The following IRX5 variants were observed in gnomAD, a reference collection of about 807,000 sequenced individuals.
The protein encoded by IRX5 is iroquois-class homeodomain protein IRX-5.
Under a neutral mutation model 37.6 loss-of-function variants are expected in IRX5, and 8 were observed. That is an observed-to-expected ratio of 0.21 (90% CI 0.12 to 0.38). IRX5 has a LOEUF of 0.38. Among genes scored for constraint, IRX5 ranks in the 10% least tolerant of loss-of-function variants. The probability of loss-of-function intolerance (pLI) is 1.00; values close to 1 mark genes in which losing one functional copy is unlikely to be tolerated. For missense variants in IRX5, 635 were observed against 695.2 expected, an observed-to-expected ratio of 0.91 and a Z score of 0.97; for synonymous variants, 359 against 328.6, an observed-to-expected ratio of 1.09 and a Z score of -1.00.
chr16:54,933,603 C>A lies in IRX5; in HGVS notation c.1182C>A (p.Gly394=), dbSNP rs763360861. 1.2e-5 allele frequency: 19 copies of A among 1,610,114 alleles called. No homozygotes were observed. Among genetic ancestry groups the A allele is most frequent in the Admixed American group, 6.7e-5 (4 of 59,706 alleles). ...RSPSAQCPFP[G]GTVLSRPLYY... ...CCTCGGCGCAGTGTCCTTTTCCAGGCGGGACGGTGCTGTCCCGGCCTCTCT... is the reference window on the plus strand; with the variant it reads ...CCTCGGCGCAGTGTCCTTTTCCAGGAGGGACGGTGCTGTCCCGGCCTCTCT... The change falls in exon 3 of 3, where the codon GGC becomes GGA. Residue 394 remains glycine (G), a synonymous_variant. Coordinates refer to ENST00000394636, the MANE Select transcript of IRX5 (RefSeq NM_005853.6).
In IRX5 at chr16:54,931,130, C is replaced by T; in HGVS notation, c.-69C>T. 1.6e-6 allele frequency: 2 copies of T among 1,213,918 alleles called. No homozygotes were observed. The highest frequency in any genetic ancestry group is 1.0e-6 in the Non-Finnish European group (1 of 969,350). 75.2% of individuals were successfully genotyped at this position (1,213,918 alleles called of 1,614,324 possible). On this transcript the variant is annotated 5_prime_UTR_variant, in exon 1 of 3. Transcript: ENST00000394636. ...GCCAGAGGCCAGGTGCCCGCCCGCT[C>T]GCCCTCGCAGGGCGCCGCCCGGCTC...
In IRX5 at chr16:54,932,819, G is replaced by C; in HGVS notation, c.571G>C (p.Glu191Gln). 6.2e-7 allele frequency: 1 copy of C among 1,614,184 alleles called. No individual in the cohort carries two copies. Among genetic ancestry groups the C allele is most frequent in the South Asian group, 1.1e-5 (1 of 91,086 alleles). The change falls in exon 2 of 3, where the codon GAG becomes CAG. Residue 191 changes from glutamate to glutamine, a missense_variant. This residue lies in a region of IRX5 where 244 missense variants were observed against 205.4 expected (regional missense o/e 1.19). Coordinates refer to ENST00000394636, the MANE Select transcript of IRX5 (RefSeq NM_005853.6). The surrounding 1 kb of genome is among the most constrained non-coding windows in gnomAD (Gnocchi z 6.7). ...PRNRSEDEEE[E>Q]ENIDLEKNDE... ...GAACCGCAGCGAGGACGAGGAAGAG[G>C]AGGAGAACATTGACCTGGAGAAGAA...
chr16:54,933,990 A>G lies in IRX5; in HGVS notation c.*117A>G. 1 of 1,038,852 alleles carries G rather than the reference A, an allele frequency of 9.6e-7. No individual in the cohort carries two copies. Among genetic ancestry groups the G allele is most frequent in the Non-Finnish European group, 1.3e-6 (1 of 753,996 alleles). 64.4% of individuals were successfully genotyped at this position (1,038,852 alleles called of 1,614,324 possible). A position where few individuals can be genotyped will look rare whatever the true frequency, so the allele number is the denominator to read the frequency against. On this transcript the variant is annotated 3_prime_UTR_variant, in exon 3 of 3. Transcript: ENST00000394636. ...AGAAAATAAACTACCCCTCCTATTC[A>G]GAAGTTTATAGTTTATGGAGATGGA...
rs1180175438 is a variant in IRX5 at position 54,931,441 on chromosome 16, G to C, written c.243G>C (p.Ser81=). ...CCGCCGCCGCCGCCGCCTTCTCCTC[G>C]TACGTGGTAAGTGAGCGGGATCCGC... ...PAAAAAAAFS[S]YVGSPYDHTP... Residue 81 remains serine (S), a synonymous_variant, in exon 1 of 3, where the codon TCG becomes TCC. Transcript: ENST00000394636. 2 of 1,584,104 alleles carry C rather than the reference G, an allele frequency of 1.3e-6. No individual in the cohort carries two copies. Among genetic ancestry groups the C allele is most frequent in the African/African-American group, 1.4e-5 (1 of 74,066 alleles).
chr16:54,931,164 C>CCGCGG lies in IRX5; in HGVS notation c.-25_-21dup, dbSNP rs771845326. ...AGGGCGCCGCCCGGCTCGTTGGCGGCCGCGGCGCGGCGCGCCCCATGCCCG... is the reference window on the plus strand; with the variant it reads ...AGGGCGCCGCCCGGCTCGTTGGCGGCCGCGGCGCGGCGCGGCGCGCCCCATGCCCG... On this transcript the variant is annotated 5_prime_UTR_variant, in exon 1 of 3. Transcript: ENST00000394636. 1.4e-5 allele frequency: 19 copies of CCGCGG among 1,330,358 alleles called. No homozygotes were observed. In the African/African-American group the frequency reaches 2.3e-4, roughly 16 times the overall value. The allele number at this position is 1,330,358 out of a possible 1,614,324, so 82.4% of individuals were successfully genotyped here.
intron 1 of IRX5, among the ~76,000 whole-genome samples, 159 bp downstream of exon 1, chr16:54,931,606 G>A (rs1480262652): frequency 6.6e-6 from 1 of 152,230 alleles, no homozygotes; most frequent in African/African-American, 2.4e-5. Flanking sequence ...CTTCGCCCAG[G>A]CCTTGGACTC....
chr16:54,933,208 G>C lies in IRX5; in HGVS notation c.787G>C (p.Ala263Pro), dbSNP rs559431980. The change falls in exon 3 of 3, where the codon GCG becomes CCG. Residue 263 changes from alanine (A) to proline (P), a missense_variant. Around this residue, in one of 5 missense-constraint regions of IRX5, gnomAD observed 244 missense variants for 205.4 expected, o/e 1.19. Transcript: ENST00000394636. ...GCCGCCCTCGGAGGGCCGCCTCGAC[G>C]CGCTGCAGGGCCCCCCCCGCACCGG... is the stretch of plus-strand genomic sequence containing the variant. ...KEPPSEGRLD[A>P]LQGPPRTGGP... 5.2e-4 allele frequency: 787 copies of C among 1,526,272 alleles called. 9 individuals are homozygous for C. Among genetic ancestry groups the C allele is most frequent in the South Asian group, 4.7e-3 (392 of 83,764 alleles). 94.5% of individuals were successfully genotyped at this position (1,526,272 alleles called of 1,614,324 possible). A position where few individuals can be genotyped will look rare whatever the true frequency, so the allele number is the denominator to read the frequency against.
In IRX5 at chr16:54,933,594, T is replaced by C. The variant is rs1277276208; in HGVS notation, c.1173T>C (p.Pro391=). ...APSRSPSAQC[P]FPGGTVLSRP... ...CACGCTCGCCCTCGGCGCAGTGTCC[T>C]TTTCCAGGCGGGACGGTGCTGTCCC... The change falls in exon 3 of 3, where the codon CCT becomes CCC. Residue 391 remains proline (P), a synonymous_variant. Transcript: ENST00000394636. The C allele has an allele frequency of 1.4e-5, 23 of 1,609,772 alleles. No individual in the cohort carries two copies. Among genetic ancestry groups the C allele is most frequent in the Non-Finnish European group, 2.0e-5 (23 of 1,177,790 alleles).
chr16:54,933,200 GCCTCGACGCGCTGCAGGGCCC>G lies in IRX5; in HGVS notation c.782_802del (p.Leu261_Pro267del). 6.5e-7 allele frequency: 1 copy of G among 1,535,742 alleles called. No individual in the cohort carries two copies. Among genetic ancestry groups the G allele is most frequent in the Non-Finnish European group, 8.7e-7 (1 of 1,148,098 alleles). On this transcript the variant is annotated inframe_deletion, in exon 3 of 3. Transcript: ENST00000394636. ...TTTAAGGAGCCGCCCTCGGAGGGCCGCCTCGACGCGCTGCAGGGCCCCCCCCGCACCGGCGGGCCCTCCCCG... is the reference window on the plus strand; with the variant it reads ...TTTAAGGAGCCGCCCTCGGAGGGCCGCCCCCGCACCGGCGGGCCCTCCCCG...
At chr16:54,931,967 G>A in intron 1 of IRX5, 1 of 641,158 alleles carries the variant, frequency 1.6e-6, no homozygotes. Flanking sequence ...GGGATTTTTC[G>A]GCCGGGTTGT....
rs1963888578 is a variant in IRX5, at chr16:54,931,044, C to G, written c.-155C>G. On this transcript the variant is annotated 5_prime_UTR_variant, in exon 1 of 3. Transcript: ENST00000394636. ...CAGCCGGAGGCGCGCGGGAAGCCAGCGAGGAGGCGCCGCGGGCCGGAGCCC... is the reference window on the plus strand; with the variant it reads ...CAGCCGGAGGCGCGCGGGAAGCCAGGGAGGAGGCGCCGCGGGCCGGAGCCC... 3.0e-6 allele frequency: 1 copy of G among 328,848 alleles called. No individual in the cohort carries two copies. Among genetic ancestry groups the G allele is most frequent in the Non-Finnish European group, 4.4e-6 (1 of 228,572 alleles). The allele number at this position is 328,848 out of a possible 1,614,324, so 20.4% of individuals were successfully genotyped here.
Position 54,933,886 on chromosome 16 carries a change from C to A in IRX5, c.*13C>A, listed in dbSNP as rs202087837. 6.4e-7 allele frequency: 1 copy of A among 1,553,258 alleles called. No individual in the cohort carries two copies. The highest frequency in any genetic ancestry group is 1.2e-5 in the South Asian group (1 of 82,792). On this transcript the variant is annotated 3_prime_UTR_variant, in exon 3 of 3. Coordinates refer to ENST00000394636, the MANE Select transcript of IRX5 (RefSeq NM_005853.6). ...GTCCGACATTTAACGCGGGCTGCGT[C>A]GGTCCCGGACTTTTCTAATTTATTA...
chr16:54,933,205 G>A lies in IRX5; in HGVS notation c.784G>A (p.Asp262Asn), dbSNP rs1373829751. ...GGAGCCGCCCTCGGAGGGCCGCCTCGACGCGCTGCAGGGCCCCCCCCGCAC... is the reference window on the plus strand; with the variant it reads ...GGAGCCGCCCTCGGAGGGCCGCCTCAACGCGCTGCAGGGCCCCCCCCGCAC... Reference protein sequence around the residue: ...FKEPPSEGRLDALQGPPRTGG... With the variant: ...FKEPPSEGRLNALQGPPRTGG... Residue 262 changes from aspartate to asparagine, a missense_variant, in exon 3 of 3, where the codon GAC becomes AAC. This residue lies in a region of IRX5 where 244 missense variants were observed against 205.4 expected (regional missense o/e 1.19). Transcript: ENST00000394636. 6.5e-7 allele frequency: 1 copy of A among 1,533,916 alleles called. No individual in the cohort carries two copies. The highest frequency in any genetic ancestry group is 1.2e-5 in the South Asian group (1 of 84,190).
intron 1 of IRX5, chr16:54,931,939 T>G: frequency 1.6e-6 from 1 of 617,612 alleles, no homozygotes; most frequent in Middle Eastern, 2.5e-4. Context: ...GAAAAGTCGG[T>G]CGAGCTGCGG....
Position 54,931,458 on chromosome 16 carries a change from G to A in IRX5, c.249+11G>A, listed in dbSNP as rs1254855898. On this transcript the variant is annotated intron_variant, in intron 1 of 2. Coordinates refer to ENST00000394636, the MANE Select transcript of IRX5 (RefSeq NM_005853.6). ...TTCTCCTCGTACGTGGTAAGTGAGC[G>A]GGATCCGCGGCGGGCGAGGGGCAGC... 1 of 1,558,970 alleles carries A rather than the reference G, an allele frequency of 6.4e-7. No individual in the cohort carries two copies. The highest frequency in any genetic ancestry group is 2.3e-5 in the East Asian group (1 of 42,706).
rs1261084181 is a variant in IRX5 at position 54,932,202 on chromosome 16, C to A, written c.250-296C>A. The stretch of plus-strand genomic sequence containing the variant: ...GGCCGGGCCGCCGTGGCCAGATCTG[C>A]GCACGGGGTACGGACGTGCCCGGGC... On this transcript the variant is annotated intron_variant, in intron 1 of 2. Transcript: ENST00000394636. The surrounding 1 kb of genome is among the most constrained non-coding windows in gnomAD (Gnocchi z 6.7). 1.4e-6 allele frequency: 1 copy of A among 702,718 alleles called. No homozygotes were observed. The highest frequency in any genetic ancestry group is 2.0e-5 in the Admixed American group (1 of 49,982). 43.5% of individuals were successfully genotyped at this position (702,718 alleles called of 1,614,324 possible).
Position 54,931,158 on chromosome 16 carries a change from T to G in IRX5, c.-41T>G. On this transcript the variant is annotated 5_prime_UTR_variant, in exon 1 of 3. Transcript: ENST00000394636. ...CCTCGCAGGGCGCCGCCCGGCTCGT[T>G]GGCGGCCGCGGCGCGGCGCGCCCCA... The G allele has an allele frequency of 7.6e-7, 1 of 1,314,954 alleles. No homozygotes were observed. The highest frequency in any genetic ancestry group is 9.7e-7 in the Non-Finnish European group (1 of 1,029,654). The allele number at this position is 1,314,954 out of a possible 1,614,324, so 81.5% of individuals were successfully genotyped here. A position where few individuals can be genotyped will look rare whatever the true frequency, so the allele number is the denominator to read the frequency against.
chr16:54,932,613 G>A lies in IRX5; in HGVS notation c.365G>A (p.Arg122Lys), dbSNP rs1301847941. The A allele has an allele frequency of 6.2e-7, 1 of 1,614,088 alleles. No individual in the cohort carries two copies. Among genetic ancestry groups the A allele is most frequent in the Non-Finnish European group, 8.5e-7 (1 of 1,180,014 alleles). The change falls in exon 2 of 3, where the codon AGG becomes AAG. Residue 122 changes from arginine to lysine, a missense_variant. By Grantham distance (26) the Arg-to-Lys change is conservative. Around this residue, in one of 5 missense-constraint regions of IRX5, gnomAD observed 55 missense variants for 120.5 expected, o/e 0.46. Transcript: ENST00000394636. The surrounding 1 kb of genome is among the most constrained non-coding windows in gnomAD (Gnocchi z 6.7). Reference sequence around the variant, plus strand: ...CCAGCGTACCGGAAGAACGCCACAAGGGACGCCACGGCTACCCTCAAGGCC... The same window carrying A: ...CCAGCGTACCGGAAGAACGCCACAAAGGACGCCACGGCTACCCTCAAGGCC... ...GDPAYRKNAT[R>K]DATATLKAWL...
rs780295470 is a variant in IRX5 at position 54,932,207 on chromosome 16, G to C, written c.250-291G>C. ...GGCCGCCGTGGCCAGATCTGCGCACGGGGTACGGACGTGCCCGGGCAGATG... is the reference window on the plus strand; with the variant it reads ...GGCCGCCGTGGCCAGATCTGCGCACCGGGTACGGACGTGCCCGGGCAGATG... On this transcript the variant is annotated intron_variant, in intron 1 of 2. Transcript: ENST00000394636. This position sits in a 1 kb window ranked among gnomAD's most constrained non-coding sequence, Gnocchi z 6.7. The C allele has an allele frequency of 2.3e-5, 16 of 701,750 alleles. No individual in the cohort carries two copies. The highest frequency in any genetic ancestry group is 3.6e-5 in the Non-Finnish European group (14 of 384,404). 43.5% of individuals were successfully genotyped at this position (701,750 alleles called of 1,614,324 possible).
Sources: gnomAD v4.1 joint callset for allele counts (sites outside exome capture counted in the v4.1 genomes callset) on GRCh38, gnomAD v4.1.1 for gene constraint, gnomAD v4.1.1 regional missense constraint, Gnocchi (gnomAD v3.1) non-coding constraint, MANE v1.5 for transcripts, NCBI Gene and HGNC (gene_info 2026-07-23, HGNC 2026-07-21) for gene names.